The following ETV6 variants were observed in gnomAD, a reference collection of about 807,000 sequenced individuals.
ETV6 encodes transcription factor ETV6.
Under a neutral mutation model 51.1 loss-of-function variants are expected in ETV6, and 16 were observed. The ratio of observed to expected loss-of-function variants is 0.31; its 90% CI spans 0.21 to 0.48. The LOEUF (loss-of-function observed/expected upper bound fraction) is 0.48, where lower values mean the gene tolerates loss of function less well. ETV6 is among the 20% of genes least tolerant of loss of function. The probability of loss-of-function intolerance (pLI) is 0.99; values close to 1 mark genes in which losing one functional copy is unlikely to be tolerated. For synonymous variants in ETV6, 240 were observed against 224.1 expected, an observed-to-expected ratio of 1.07 and a Z score of -0.64; for missense variants, 458 against 594.8, an observed-to-expected ratio of 0.77 and a Z score of 2.39.
At chr12:11,785,650 G>C (rs527359903) in intron 2 of ETV6, among the ~76,000 whole-genome samples, 8 of 152,286 alleles carry the variant, frequency 5.3e-5, no homozygotes, top group Admixed American at 5.2e-4. Flanking sequence ...TTATGGCAGT[G>C]CTAATGTTAT....
chr12:11,817,980 T>C (rs1434628698), intron 2 of ETV6, among the ~76,000 whole-genome samples: 1 of 152,106 alleles, frequency 6.6e-6, no homozygotes, highest in Non-Finnish European at 1.5e-5. Flanking sequence ...AGTTTCCACA[T>C]GCAAGGAGGG....
chr12:11,817,309 T>A (rs764951948), intron 2 of ETV6, among the ~76,000 whole-genome samples: 1 of 152,238 alleles, frequency 6.6e-6, no homozygotes, highest in African/African-American at 2.4e-5. Context: ...TCAATACTTA[T>A]TCTCGTAGAA....
At chr12:11,736,587 A>G (rs1352623038) in intron 1 of ETV6, among the ~76,000 whole-genome samples, 1 of 152,232 alleles carries the variant, frequency 6.6e-6, no homozygotes, top group Non-Finnish European at 1.5e-5. Flanking sequence ...GTATAAATAC[A>G]TTGTAAAGTA....
chr12:11,776,953 T>G (rs1274015817), intron 2 of ETV6, among the ~76,000 whole-genome samples: 1 of 152,178 alleles, frequency 6.6e-6, no homozygotes, highest in East Asian at 1.9e-4. Flanking sequence ...AATCACATTT[T>G]TTAGGCCGGG....
At chr12:11,854,487 G>A (rs762018150) in intron 4 of ETV6, among the ~76,000 whole-genome samples, 1 of 152,190 alleles carries the variant, frequency 6.6e-6, no homozygotes, top group African/African-American at 2.4e-5. Flanking sequence ...ACGTAAGGGT[G>A]GGGTAAGGCT....
At chr12:11,697,365 G>T (rs1233368632) in intron 1 of ETV6, among the ~76,000 whole-genome samples, 2 of 152,178 alleles carry the variant, frequency 1.3e-5, no homozygotes, top group African/African-American at 4.8e-5. Flanking sequence ...GAACAGACAG[G>T]TGCAGGAAAA....
At chr12:11,720,546 A>G (rs1865363286) in intron 1 of ETV6, among the ~76,000 whole-genome samples, 1 of 152,192 alleles carries the variant, frequency 6.6e-6, no homozygotes, top group African/African-American at 2.4e-5. Flanking sequence ...ATGAAACTGA[A>G]CCCTTACCTT....
intron 2 of ETV6, among the ~76,000 whole-genome samples, chr12:11,799,272 A>G (rs867448678): frequency 2.0e-5 from 3 of 152,206 alleles, no homozygotes; most frequent in Middle Eastern, 3.4e-3. Context: ...ACTGTGCCCA[A>G]CCTCCTTTAC....
intron 1 of ETV6, among the ~76,000 whole-genome samples, chr12:11,659,775 C>T (rs368640109): frequency 2.6e-5 from 4 of 152,198 alleles, no homozygotes; most frequent in African/African-American, 9.6e-5. Context: ...TCTCTTGTTT[C>T]CCTGGTGAAA....
At chr12:11,861,764 T>C (rs1282424306) in intron 4 of ETV6, among the ~76,000 whole-genome samples, 1 of 152,194 alleles carries the variant, frequency 6.6e-6, no homozygotes, top group Non-Finnish European at 1.5e-5. Context: ...TAAGGGGTCA[T>C]CTTGCTCTTT....
At chr12:11,732,916 TACTC>T (rs1481583226) in intron 1 of ETV6, among the ~76,000 whole-genome samples, 4 of 152,242 alleles carry the variant, frequency 2.6e-5, no homozygotes, top group Non-Finnish European at 5.9e-5. Flanking sequence ...CTTTCATTCT[TACTC>T]CTCATTTTGG....
intron 2 of ETV6, among the ~76,000 whole-genome samples, chr12:11,778,266 G>A (rs1016829928): frequency 2.6e-5 from 4 of 152,356 alleles, no homozygotes; most frequent in East Asian, 1.9e-4. Flanking sequence ...CAGGTCCTCC[G>A]TGAATGACAG....
intron 4 of ETV6, among the ~76,000 whole-genome samples, chr12:11,854,266 C>T (rs775025326): frequency 8.6e-5 from 13 of 152,008 alleles, no homozygotes; most frequent in Non-Finnish European, 1.9e-4. Context: ...GGGACTCAGG[C>T]GGTAATACGA....
chr12:11,730,555 G>A (rs138252640), intron 1 of ETV6, among the ~76,000 whole-genome samples: 2 of 152,330 alleles, frequency 1.3e-5, no homozygotes, highest in African/African-American at 2.4e-5. Flanking sequence ...GAGAACCTAG[G>A]TCCATAACTG....
In ETV6 at chr12:11,668,341, C is replaced by T. The variant is rs2541123; in HGVS notation, c.33+18181C>T. Among the ~76,000 whole-genome samples, 8 of 141,410 alleles carry T rather than the reference C, an allele frequency of 5.7e-5. No homozygotes were observed. The South Asian group carries it at 6.9e-4, about 12-fold the overall frequency. 92.8% of individuals were successfully genotyped at this position (141,410 alleles called of 152,430 possible). ...CCTTCCTCCACCCAGCAAAAGCTAACGTACTTTCCAAATTCTAAATTGTGA... is the reference window on the plus strand; with the variant it reads ...CCTTCCTCCACCCAGCAAAAGCTAATGTACTTTCCAAATTCTAAATTGTGA... On this transcript the variant is annotated intron_variant, in intron 1 of 7. Transcript: ENST00000396373.
chr12:11,803,505 A>G (rs927126570), intron 2 of ETV6, among the ~76,000 whole-genome samples: 1 of 152,246 alleles, frequency 6.6e-6, no homozygotes, highest in Non-Finnish European at 1.5e-5. Flanking sequence ...TTGTAAGAAT[A>G]AGCTGTCCTC....
chr12:11,864,033 G>C (rs1449990263), intron 4 of ETV6, among the ~76,000 whole-genome samples: 1 of 152,184 alleles, frequency 6.6e-6, no homozygotes, highest in Admixed American at 6.5e-5. Flanking sequence ...AATAAATCAA[G>C]CTCCTCCAAG....
At chr12:11,825,508 C>T (rs1435643907) in intron 2 of ETV6, 2 of 152,216 alleles carry the variant, frequency 1.3e-5, no homozygotes, top group African/African-American at 2.4e-5. Flanking sequence ...ATGGCCATCT[C>T]CTCTCCTCTG....
rs376295674 is a variant in ETV6, at chr12:11,778,251, C to T, written c.163+25672C>T. On this transcript the variant is annotated intron_variant, in intron 2 of 7. Coordinates refer to ENST00000396373, the MANE Select transcript of ETV6 (RefSeq NM_001987.5). The stretch of plus-strand genomic sequence containing the variant: ...GAAGGGCCCTGTCCAGCATCTGGCA[C>T]GTGGCAGGTCCTCCGTGAATGACAG... Among the ~76,000 whole-genome samples, 93 of 152,368 alleles carry T rather than the reference C, an allele frequency of 6.1e-4. 1 individual carries two copies. Among genetic ancestry groups the T allele is most frequent in the African/African-American group, 2.2e-3 (90 of 41,592 alleles).
Sources: allele counts gnomAD v4.1 joint callset (sites outside exome capture counted in the v4.1 genomes callset), GRCh38; gene constraint gnomAD v4.1.1; transcripts MANE v1.5; gene names NCBI Gene and HGNC (gene_info 2026-07-23, HGNC 2026-07-21).